DNAH8: variants seen among roughly 807,000 people sequenced by gnomAD.
DNAH8 encodes dynein axonemal heavy chain 8.
DNAH8 carries 382 observed loss-of-function variants against 562.1 expected under a neutral mutation model. The ratio of observed to expected loss-of-function variants is 0.68; its 90% CI spans 0.63 to 0.74. DNAH8 has a LOEUF of 0.74. Ranked by LOEUF, DNAH8 falls within the 30% of genes least tolerant of loss-of-function variation. DNAH8 has a pLI of 0.00. For synonymous variants in DNAH8, 1,881 were observed against 1,919.4 expected, an observed-to-expected ratio of 0.98 and a Z score of 0.52; for missense variants, 5,203 against 5,620.4, an observed-to-expected ratio of 0.93 and a Z score of 2.37.
chr6:38,994,419 G>A (rs777605241), intron 88 of DNAH8, among the ~76,000 whole-genome samples: 4 of 150,268 alleles, frequency 2.7e-5, no homozygotes, highest in Admixed American at 6.6e-5. Flanking sequence ...CATAAATTCT[G>A]TTCTTGCTGT....
chr6:38,873,768 A>ACACACCCC lies in DNAH8; in HGVS notation c.7620+393_7620+394insACACCCCC, dbSNP rs1393077666. 5.9e-5 allele frequency among the ~76,000 whole-genome samples: 3 copies of ACACACCCC among 51,238 alleles called. No individual in the cohort carries two copies. In the South Asian group the frequency reaches 2.7e-3, roughly 46 times the overall value. 33.6% of individuals were successfully genotyped at this position (51,238 alleles called of 152,430 possible). Reference sequence around the variant, plus strand: ...CACACACACACACACACACACACACACCCCTGCACTCCAGCTGGGGCGACA... The same window carrying ACACACCCC: ...CACACACACACACACACACACACACACACACCCCCCCCTGCACTCCAGCTGGGGCGACA... On this transcript the variant is annotated intron_variant, in intron 52 of 92. Coordinates refer to ENST00000327475, the MANE Select transcript of DNAH8 (RefSeq NM_001206927.2).
At chr6:38,986,468 T>A (rs1410473761) in intron 87 of DNAH8, among the ~76,000 whole-genome samples, 1 of 152,068 alleles carries the variant, frequency 6.6e-6, no homozygotes, top group African/African-American at 2.4e-5. Flanking sequence ...AGTGAATGGA[T>A]ATCAGGGCAG....
intron 77 of DNAH8, among the ~76,000 whole-genome samples, chr6:38,936,761 G>A (rs1418776335): frequency 6.6e-6 from 1 of 152,140 alleles, no homozygotes. Context: ...GCTGGATCAA[G>A]ACCTCTCTCC....
intron 63 of DNAH8, among the ~76,000 whole-genome samples, chr6:38,907,058 A>G (rs1403183914): frequency 6.6e-6 from 1 of 152,234 alleles, no homozygotes; most frequent in Non-Finnish European, 1.5e-5. Context: ...TGTGGTCCCA[A>G]GCATTTTGAA....
chr6:38,793,549 A>C (rs1769952025), intron 21 of DNAH8, among the ~76,000 whole-genome samples: 1 of 151,934 alleles, frequency 6.6e-6, no homozygotes, highest in Non-Finnish European at 1.5e-5. Flanking sequence ...TGTTCTTGTA[A>C]AGAACATTTA....
intron 12 of DNAH8, among the ~76,000 whole-genome samples, chr6:38,772,956 G>A (rs913070087): frequency 2.2e-5 from 3 of 135,800 alleles, no homozygotes; most frequent in Admixed American, 7.6e-5. Context: ...ATACCACCAT[G>A]CCTAGCTAAT....
chr6:38,841,477 A>G (rs1443079480), intron 33 of DNAH8, among the ~76,000 whole-genome samples: 2 of 152,130 alleles, frequency 1.3e-5, no homozygotes, highest in Non-Finnish European at 2.9e-5. Flanking sequence ...TACAAAATTT[A>G]TTTTTGGTTT....
Position 38,873,121 on chromosome 6 carries a change from G to A in DNAH8, c.7453G>A (p.Ala2485Thr). ...RMGMVYISSS[A>T]LSWRPILQAW... ...GGGCATGGTCTATATCAGCAGCTCT[G>A]CTCTCAGCTGGAGGCCAATCTTACA... Residue 2485 changes from alanine to threonine, a missense_variant, in exon 51 of 93, where the codon GCT becomes ACT. This residue lies in a region of DNAH8 where 977 missense variants were observed against 1,061.8 expected (regional missense o/e 0.92). Transcript: ENST00000327475. The A allele has an allele frequency of 1.2e-6, 2 of 1,613,596 alleles. No individual in the cohort carries two copies. Among genetic ancestry groups the A allele is most frequent in the Non-Finnish European group, 1.7e-6 (2 of 1,179,968 alleles).
At chr6:38,977,296 C>T (rs1429367220) in intron 85 of DNAH8, among the ~76,000 whole-genome samples, 4 of 152,178 alleles carry the variant, frequency 2.6e-5, no homozygotes, top group Non-Finnish European at 4.4e-5. Flanking sequence ...CTCCCTGCCA[C>T]TCCCCTTCTC....
chr6:38,820,953 A>C (rs965235361), intron 26 of DNAH8, among the ~76,000 whole-genome samples: 1 of 152,184 alleles, frequency 6.6e-6, no homozygotes, highest in Non-Finnish European at 1.5e-5. Flanking sequence ...CTCTTACCAC[A>C]TCTACTCGAC....
intron 26 of DNAH8, among the ~76,000 whole-genome samples, chr6:38,816,024 A>G (rs72851554): frequency 0.018 from 2,745 of 151,886 alleles, 33 homozygotes; most frequent in Non-Finnish European, 0.029. Context: ...CTTCCTGTAT[A>G]GAAAGAAACT....
intron 10 of DNAH8, among the ~76,000 whole-genome samples, chr6:38,758,346 T>C (rs1209214548): frequency 4.7e-4 from 72 of 151,962 alleles, no homozygotes; most frequent in Non-Finnish European, 9.0e-4. Context: ...TATTGGTGTA[T>C]AAGAATGCTT....
chr6:38,901,550 A>G lies in DNAH8; in HGVS notation c.9194+1644A>G, dbSNP rs184536972. On this transcript the variant is annotated intron_variant, in intron 62 of 92. Transcript: ENST00000327475. ...TTTCCTTATCTATCTTTGTATCATT[A>G]CCTACTATATTAATTGCTGTAGCTT... 7.2e-3 allele frequency among the ~76,000 whole-genome samples: 1,090 copies of G among 152,254 alleles called. 19 individuals are homozygous for G. Among genetic ancestry groups the G allele is most frequent in the African/African-American group, 0.025 (1,033 of 41,564 alleles).
chr6:38,815,528 C>T lies in DNAH8; in HGVS notation c.3394C>T (p.Leu1132=). 6.2e-7 allele frequency: 1 copy of T among 1,614,028 alleles called. No homozygotes were observed. The highest frequency in any genetic ancestry group is 1.7e-4 in the Middle Eastern group (1 of 6,058). Residue 1132 remains leucine, a synonymous_variant, in exon 26 of 93, where the codon CTG becomes TTG. Transcript: ENST00000327475. ...CATTAACCGTATGATCCAGTTAACC[C>T]TGGAGGTCAGCAGAGGAGTGGCTCA... is the stretch of plus-strand genomic sequence containing the variant. The part of the protein sequence containing the change: ...QAINRMIQLT[L]EVSRGVAHWG...
rs1202331914 is a variant in DNAH8, at chr6:38,974,364, T to C, written c.12679-10T>C. Reference sequence around the variant, plus strand: ...ATAGAAACAAAAGCACTGTTTTCTTTTCATGACAGACCTCTCTCAAATTCA... The same window carrying C: ...ATAGAAACAAAAGCACTGTTTTCTTCTCATGACAGACCTCTCTCAAATTCA... On this transcript the variant is annotated splice_polypyrimidine_tract_variant and intron_variant, in intron 84 of 92. Coordinates refer to ENST00000327475, the MANE Select transcript of DNAH8 (RefSeq NM_001206927.2). 2 of 1,596,400 alleles carry C rather than the reference T, an allele frequency of 1.3e-6. No homozygotes were observed. Among genetic ancestry groups the C allele is most frequent in the East Asian group, 4.5e-5 (2 of 44,798 alleles).
chr6:38,863,248 G>C (rs1334423948), intron 44 of DNAH8, among the ~76,000 whole-genome samples: 1 of 151,800 alleles, frequency 6.6e-6, no homozygotes, highest in Non-Finnish European at 1.5e-5. Flanking sequence ...TGGCCAACAT[G>C]GTGAAACCCC....
chr6:38,974,633 C>G, intron 85 of DNAH8, 104 bp downstream of exon 85: 1 of 865,724 alleles, frequency 1.2e-6, no homozygotes, highest in South Asian at 1.7e-5. Flanking sequence ...CGCTCTGTCT[C>G]CTTACTCTCT....
intron 11 of DNAH8, among the ~76,000 whole-genome samples, chr6:38,767,242 G>T (rs1767095184): frequency 6.6e-6 from 1 of 152,116 alleles, no homozygotes; most frequent in South Asian, 2.1e-4. Context: ...TTCAAGACCA[G>T]CCTGGCCAAC....
chr6:38,868,369 T>A (rs1052773680), intron 48 of DNAH8, among the ~76,000 whole-genome samples, 173 bp downstream of exon 48: 1 of 152,218 alleles, frequency 6.6e-6, no homozygotes, highest in East Asian at 1.9e-4. Flanking sequence ...CCATGACCTG[T>A]GTGACCAACA....
Sources: gnomAD v4.1 joint callset for allele counts (sites outside exome capture counted in the v4.1 genomes callset) on GRCh38, gnomAD v4.1.1 for gene constraint, gnomAD v4.1.1 regional missense constraint, MANE v1.5 for transcripts, NCBI Gene and HGNC (gene_info 2026-07-23, HGNC 2026-07-21) for gene names.